The following DOCK5 variants were observed in gnomAD, a reference collection of about 807,000 sequenced individuals.
DOCK5 encodes dedicator of cytokinesis 5.
DOCK5 carries 142 observed loss-of-function variants against 251.8 expected under a neutral mutation model. The observed-to-expected ratio is 0.56, with a 90% CI of 0.49 to 0.65. The LOEUF is 0.65. DOCK5 is among the 30% of genes least tolerant of loss of function. The pLI is 0.00. For synonymous variants in DOCK5, 842 were observed against 835.5 expected (o/e 1.01, Z -0.13); for missense variants, 2,111 against 2,312.3 (o/e 0.91, Z 1.79).
Position 25,384,911 on chromosome 8 carries a change from C to A in DOCK5, c.4131+2133C>A, listed in dbSNP as rs550337323. ...TGGTGCCACTGCACTCCAGCCTGGG[C>A]GACAGAGCCAGACTCCATCTCAAAA... On this transcript the variant is annotated intron_variant, in intron 40 of 51. Transcript: ENST00000276440. 3.3e-5 allele frequency among the ~76,000 whole-genome samples: 5 copies of A among 152,056 alleles called. No individual in the cohort carries two copies. The East Asian group carries it at 7.8e-4, about 24-fold the overall frequency.
At chr8:25,304,186 C>T in intron 10 of DOCK5, 69 bp from the exon 11 acceptor site, 3 of 1,324,578 alleles carry the variant, frequency 2.3e-6, no homozygotes, top group Non-Finnish European at 3.1e-6. Context: ...CTGATACTGT[C>T]CTTTTCCATA....
intron 40 of DOCK5, among the ~76,000 whole-genome samples, chr8:25,384,568 T>C (rs1801131156): frequency 6.6e-6 from 1 of 151,426 alleles, no homozygotes; most frequent in Admixed American, 6.6e-5. Context: ...GAAGCGATTC[T>C]CGTGCCTCAG....
intron 49 of DOCK5, 43 bp downstream of exon 49, chr8:25,408,197 C>A: frequency 6.5e-7 from 1 of 1,530,736 alleles, no homozygotes; most frequent in Non-Finnish European, 8.8e-7. Flanking sequence ...GGAGGCTTGC[C>A]CCCCTCTCCC....
intron 39 of DOCK5, 90 bp from the exon 40 acceptor site, chr8:25,382,584 G>A (rs7837477): frequency 0.19 from 193,705 of 1,024,908 alleles, 18,920 homozygotes; most frequent in South Asian, 0.26. Context: ...TCTGGGTTAC[G>A]TGGGAAACAA....
rs969324157 is a variant in DOCK5 at position 25,412,885 on chromosome 8, G to C, written c.*1587G>C. On this transcript the variant is annotated 3_prime_UTR_variant, in exon 52 of 52. Transcript: ENST00000276440. ...GTCAGGGAAGCAAAAGCTCTCAGAT[G>C]TGTCCAGGGCGTTACTTAAGAAATG... 2.0e-5 allele frequency: 3 copies of C among 152,226 alleles called. No homozygotes were observed. The highest frequency in any genetic ancestry group is 7.2e-5 in the African/African-American group (3 of 41,438). The allele number at this position is 152,226 out of a possible 1,614,324, so 9.4% of individuals were successfully genotyped here.
chr8:25,387,543 G>T (rs1696332195), intron 40 of DOCK5, among the ~76,000 whole-genome samples: 1 of 152,156 alleles, frequency 6.6e-6, no homozygotes, highest in Non-Finnish European at 1.5e-5. Flanking sequence ...TGAGCTTTCA[G>T]TTGGGCATAG....
At chr8:25,255,393 G>A (rs1606036) in intron 2 of DOCK5, among the ~76,000 whole-genome samples, 22,971 of 152,146 alleles carry the variant, frequency 0.15, 1,859 homozygotes, top group Admixed American at 0.24. Flanking sequence ...GAGTTATCAA[G>A]CCATAAAAAG....
chr8:25,286,227 G>A (rs901256338), intron 5 of DOCK5, among the ~76,000 whole-genome samples: 1 of 152,156 alleles, frequency 6.6e-6, no homozygotes, highest in South Asian at 2.1e-4. Context: ...GAAAAGGCAT[G>A]AGATTGATTG....
chr8:25,388,815 C>T (rs1466259865), intron 40 of DOCK5: 2 of 407,510 alleles, frequency 4.9e-6, no homozygotes, highest in Admixed American at 7.4e-5. Context: ...GCAGATGGGT[C>T]CAGACTGTTT....
intron 42 of DOCK5, 128 bp downstream of exon 42, chr8:25,390,415 T>G: frequency 1.3e-6 from 1 of 774,316 alleles, no homozygotes; most frequent in Admixed American, 2.9e-5. Flanking sequence ...GAGACCAGCC[T>G]GGGCAACAAA....
At chr8:25,398,957 A>G (rs114797847) in intron 45 of DOCK5, among the ~76,000 whole-genome samples, 20 of 152,200 alleles carry the variant, frequency 1.3e-4, no homozygotes, top group African/African-American at 4.8e-4. Flanking sequence ...AAAATGGGCC[A>G]TTCACTTTTA....
chr8:25,379,611 A>C (rs946919411), intron 38 of DOCK5, among the ~76,000 whole-genome samples: 1 of 152,178 alleles, frequency 6.6e-6, no homozygotes, highest in African/African-American at 2.4e-5. Context: ...AGTGGTCCTG[A>C]GGTGACGTAC....
At chr8:25,201,351 C>A (rs1801874929) in intron 1 of DOCK5, among the ~76,000 whole-genome samples, 1 of 152,188 alleles carries the variant, frequency 6.6e-6, no homozygotes, top group African/African-American at 2.4e-5. Context: ...AGTAGCATTA[C>A]ATAAAACAAA....
At chr8:25,298,922 T>C in intron 7 of DOCK5, 22 bp from the exon 8 acceptor site, 2 of 1,572,832 alleles carry the variant, frequency 1.3e-6, no homozygotes, top group Non-Finnish European at 1.7e-6. Context: ...AAGATGTTTT[T>C]CTCTGTTCCC....
Position 25,296,583 on chromosome 8 carries a change from A to G in DOCK5, c.541A>G (p.Ile181Val), listed in dbSNP as rs747353064. 1.2e-4 allele frequency: 198 copies of G among 1,612,606 alleles called. No individual in the cohort carries two copies. Among genetic ancestry groups the G allele is most frequent in the Non-Finnish European group, 1.6e-4 (185 of 1,179,388 alleles). The stretch of plus-strand genomic sequence containing the variant: ...CCTAGACCCTGACGAAACCAGCACC[A>G]TTGCCCTCTTCAAGGCCCATGAGGT... Reference protein sequence around the residue: ...NILDPDETSTIALFKAHEVAS... With the variant: ...NILDPDETSTVALFKAHEVAS... The change falls in exon 7 of 52, where the codon ATT (isoleucine) becomes GTT (valine). Residue 181 changes from isoleucine (I) to valine (V), a missense_variant. Ile to Val is a conservative substitution (Grantham distance 29). This residue lies in a region of DOCK5 where 335 missense variants were observed against 324.9 expected (regional missense o/e 1.03). Coordinates refer to ENST00000276440, the MANE Select transcript of DOCK5 (RefSeq NM_024940.8).
chr8:25,350,158 C>T (rs778115717), intron 26 of DOCK5, among the ~76,000 whole-genome samples: 21 of 152,108 alleles, frequency 1.4e-4, no homozygotes, highest in African/African-American at 2.2e-4. Context: ...TACACGATTA[C>T]GTGGATCAAA....
Position 25,392,826 on chromosome 8 carries a change from A to T in DOCK5, c.4471A>T (p.Thr1491Ser). Reference protein sequence around the residue: ...TMWIERTTYTTAYTFPGILKW... With the variant: ...TMWIERTTYTSAYTFPGILKW... ...GTGGATTGAACGGACCACGTATACG[A>T]CTGCATATACCTTTCCTGGGATTCT... The change falls in exon 44 of 52, where the codon ACT becomes TCT. Residue 1491 changes from threonine to serine, a missense_variant. By Grantham distance (58) the Thr-to-Ser change is moderately conservative. This residue lies in a region of DOCK5 where 1,717 missense variants were observed against 1,892.4 expected (regional missense o/e 0.91). Transcript: ENST00000276440. The T allele has an allele frequency of 1.2e-6, 2 of 1,613,262 alleles. No homozygotes were observed. Among genetic ancestry groups the T allele is most frequent in the Non-Finnish European group, 1.7e-6 (2 of 1,179,628 alleles).
intron 1 of DOCK5, among the ~76,000 whole-genome samples, chr8:25,221,670 C>CCATCAT (rs749679641): frequency 6.6e-6 from 1 of 151,918 alleles, no homozygotes; most frequent in Non-Finnish European, 1.5e-5. Context: ...CATCACCATC[C>CCATCAT]CATCATCATC....
chr8:25,336,164 C>T (rs1563206124), intron 21 of DOCK5, 75 bp from the exon 22 acceptor site: 3 of 1,507,960 alleles, frequency 2.0e-6, no homozygotes, highest in Non-Finnish European at 2.7e-6. Context: ...CCATGTTCCC[C>T]TCTTAGATAA....
Sources: gnomAD v4.1 joint callset for allele counts (sites outside exome capture counted in the v4.1 genomes callset) on GRCh38, gnomAD v4.1.1 for gene constraint, gnomAD v4.1.1 regional missense constraint, MANE v1.5 for transcripts, NCBI Gene and HGNC (gene_info 2026-07-23, HGNC 2026-07-21) for gene names.